MCC: variants seen among roughly 807,000 people sequenced by gnomAD.
MCC encodes the protein MCC regulator of Wnt signaling pathway.
A neutral mutation model predicts 116.2 loss-of-function variants in MCC; 90 were observed. The observed-to-expected ratio is 0.77, with a 90% CI of 0.65 to 0.92. MCC has a LOEUF of 0.92. MCC is among the 40% of genes least tolerant of loss of function. MCC has a pLI of 0.00. For missense variants in MCC, 1,516 were observed against 1,312.2 expected, an observed-to-expected ratio of 1.16 and a Z score of -2.40; for synonymous variants, 578 against 510.5, an observed-to-expected ratio of 1.13 and a Z score of -1.78.
intron 3 of MCC, among the ~76,000 whole-genome samples, chr5:113,200,044 C>A (rs1762605834): frequency 1.3e-5 from 2 of 152,168 alleles, no homozygotes; most frequent in Admixed American, 1.3e-4. Context: ...AAGGGCATTT[C>A]ATGAGCACAG....
At chr5:113,329,338 T>A (rs1361391337) in intron 3 of MCC, among the ~76,000 whole-genome samples, 1 of 151,998 alleles carries the variant, frequency 6.6e-6, no homozygotes, top group African/African-American at 2.4e-5. Context: ...GCATCTTATC[T>A]CCCACCTGGG....
chr5:113,148,003 C>T (rs1277535568), intron 4 of MCC, among the ~76,000 whole-genome samples: 1 of 152,230 alleles, frequency 6.6e-6, no homozygotes, highest in Non-Finnish European at 1.5e-5. Flanking sequence ...TTCCACATTA[C>T]TGCTCACCTA....
At chr5:113,456,951 A>T (rs1771569572) in intron 1 of MCC, among the ~76,000 whole-genome samples, 1 of 152,064 alleles carries the variant, frequency 6.6e-6, no homozygotes, top group Non-Finnish European at 1.5e-5. Flanking sequence ...CAGGGAGGGG[A>T]TGAAATCATA....
chr5:113,377,215 GT>G (rs758043720), intron 2 of MCC, among the ~76,000 whole-genome samples: 12 of 152,066 alleles, frequency 7.9e-5, no homozygotes, highest in South Asian at 2.1e-4. Flanking sequence ...AAGTATTAGA[GT>G]TGGGTGTTTG....
chr5:113,256,072 G>A (rs1212006905), intron 3 of MCC, among the ~76,000 whole-genome samples: 2 of 152,192 alleles, frequency 1.3e-5, no homozygotes, highest in East Asian at 3.8e-4. Context: ...TAAATTGGGT[G>A]TGTCCCTTGT....
chr5:113,040,514 C>T (rs1000558888), intron 17 of MCC, among the ~76,000 whole-genome samples: 2 of 152,114 alleles, frequency 1.3e-5, no homozygotes, highest in African/African-American at 2.4e-5. Context: ...GTAAGATTCC[C>T]CCAGCTGACC....
chr5:113,354,385 G>C (rs1446356625), intron 2 of MCC, among the ~76,000 whole-genome samples: 2 of 151,814 alleles, frequency 1.3e-5, no homozygotes, highest in African/African-American at 2.4e-5. Context: ...AATATTGATT[G>C]GATTTTTATA....
chr5:113,048,441 A>C (rs1580922358), intron 16 of MCC: 1 of 152,366 alleles, frequency 6.6e-6, no homozygotes, highest in African/African-American at 2.4e-5. Flanking sequence ...CCCATCTGTC[A>C]TTTAGTAGCT....
At chr5:113,260,310 C>T (rs569065973) in intron 3 of MCC, among the ~76,000 whole-genome samples, 1 of 152,070 alleles carries the variant, frequency 6.6e-6, no homozygotes, top group Admixed American at 6.5e-5. Flanking sequence ...ATGTATTTTT[C>T]CAAAAGAAAA....
chr5:113,223,346 C>T (rs1178967764), intron 3 of MCC, among the ~76,000 whole-genome samples: 1 of 152,210 alleles, frequency 6.6e-6, no homozygotes, highest in African/African-American at 2.4e-5. Flanking sequence ...CTCTTAAGAA[C>T]ATCTAGCCAT....
intron 2 of MCC, among the ~76,000 whole-genome samples, chr5:113,384,199 T>C (rs1158325832): frequency 6.6e-6 from 1 of 152,214 alleles, no homozygotes; most frequent in Non-Finnish European, 1.5e-5. Flanking sequence ...TATTAAGAAC[T>C]TTCTTTCCAA....
At chr5:113,139,127 G>A (rs556490345) in intron 5 of MCC, among the ~76,000 whole-genome samples, 1 of 152,160 alleles carries the variant, frequency 6.6e-6, no homozygotes, top group African/African-American at 2.4e-5. Flanking sequence ...TTGTGCCCTT[G>A]TTGACCAATA....
intron 8 of MCC, among the ~76,000 whole-genome samples, chr5:113,094,086 G>C (rs1307576488): frequency 1.3e-5 from 2 of 149,658 alleles, no homozygotes; most frequent in African/African-American, 4.9e-5. Context: ...TAGATATTTT[G>C]CCGAGAACCA....
At chr5:113,369,020 A>G (rs879696748) in intron 2 of MCC, among the ~76,000 whole-genome samples, 2 of 152,218 alleles carry the variant, frequency 1.3e-5, no homozygotes, top group Non-Finnish European at 2.9e-5. Context: ...TGTAAGGGAA[A>G]CAGATGAAGA....
chr5:113,153,106 C>T (rs1759975739), intron 3 of MCC, among the ~76,000 whole-genome samples: 1 of 152,200 alleles, frequency 6.6e-6, no homozygotes, highest in Admixed American at 6.5e-5. Flanking sequence ...GCATCTGACA[C>T]TGTGGCATGT....
At chr5:113,421,386 C>T (rs1382216692) in intron 1 of MCC, among the ~76,000 whole-genome samples, 1 of 152,104 alleles carries the variant, frequency 6.6e-6, no homozygotes, top group Non-Finnish European at 1.5e-5. Flanking sequence ...ATAATTATTT[C>T]AGCAAACTTC....
At chr5:113,300,564 G>T (rs918968493) in intron 3 of MCC, among the ~76,000 whole-genome samples, 3 of 152,072 alleles carry the variant, frequency 2.0e-5, no homozygotes, top group Non-Finnish European at 4.4e-5. Flanking sequence ...AATTTTGAGG[G>T]CATAGGGGGA....
chr5:113,282,648 A>C lies in MCC; in HGVS notation c.627+57871T>G, dbSNP rs567800437. On this transcript the variant is annotated intron_variant, in intron 3 of 18. Coordinates refer to ENST00000408903, the MANE Select transcript of MCC (RefSeq NM_001085377.2). ...CTCATTTTTCCCTCTCCTCAATCTT[A>C]ACACCCTGTTAATAATCAGCCCAGG... 5.3e-5 allele frequency among the ~76,000 whole-genome samples: 8 copies of C among 152,230 alleles called. No homozygotes were observed. In the East Asian group the frequency reaches 1.5e-3, roughly 29 times the overall value.
At chr5:113,337,431 G>A (rs527684987) in intron 3 of MCC, among the ~76,000 whole-genome samples, 32 of 152,282 alleles carry the variant, frequency 2.1e-4, no homozygotes, top group African/African-American at 7.7e-4. Flanking sequence ...CAATTCAGTG[G>A]GCTGCAGACT....
Sources: gnomAD v4.1 joint callset for allele counts (sites outside exome capture counted in the v4.1 genomes callset) on GRCh38, gnomAD v4.1.1 for gene constraint, MANE v1.5 for transcripts, NCBI Gene and HGNC (gene_info 2026-07-23, HGNC 2026-07-21) for gene names.